Variants in FHL5 observed in about 807,000 individuals in gnomAD.
FHL5 encodes the protein four and a half LIM domains protein 5.
A neutral mutation model predicts 32.0 loss-of-function variants in FHL5; 33 were observed. That is an observed-to-expected ratio of 1.03 (90% CI 0.78 to 1.38). The LOEUF is 1.38. FHL5 is among the 40% of genes most tolerant of loss of function. The pLI is 0.00. For missense variants in FHL5, 336 were observed against 343.9 expected (o/e 0.98, Z 0.18); for synonymous variants, 114 against 113.6 (o/e 1.00, Z -0.02).
At chr6:96,601,971 G>C (rs755725804) in intron 1 of FHL5, among the ~76,000 whole-genome samples, 1 of 152,070 alleles carries the variant, frequency 6.6e-6, no homozygotes, top group African/African-American at 2.4e-5. Flanking sequence ...GTTCCATTGC[G>C]AACTTTCTAG....
In FHL5 at chr6:96,616,462, G is replaced by T. The variant is rs1195411420; in HGVS notation, c.*690G>T. On this transcript the variant is annotated 3_prime_UTR_variant, in exon 6 of 6. Transcript: ENST00000450218. Reference sequence around the variant, plus strand: ...AGAGGATCATTTCTACCTAGGGATAGCCAAAGCATGGGTTTCAACACGTTT... The same window carrying T: ...AGAGGATCATTTCTACCTAGGGATATCCAAAGCATGGGTTTCAACACGTTT... 1 of 152,158 alleles carries T rather than the reference G, an allele frequency of 6.6e-6. No homozygotes were observed. Among genetic ancestry groups the T allele is most frequent in the Non-Finnish European group, 1.5e-5 (1 of 68,040 alleles). The allele number at this position is 152,158 out of a possible 1,614,324, so 9.4% of individuals were successfully genotyped here. A position where few individuals can be genotyped will look rare whatever the true frequency, so the allele number is the denominator to read the frequency against.
At chr6:96,608,202 A>C (rs952897980) in intron 4 of FHL5, among the ~76,000 whole-genome samples, 1 of 152,090 alleles carries the variant, frequency 6.6e-6, no homozygotes, top group African/African-American at 2.4e-5. Context: ...TGCTATAACA[A>C]TTCAAGAGTG....
chr6:96,594,180 A>G (rs191209086), intron 1 of FHL5, among the ~76,000 whole-genome samples: 11 of 146,020 alleles, frequency 7.5e-5, no homozygotes, highest in Non-Finnish European at 1.5e-4. Flanking sequence ...AAATGATTTC[A>G]GCAGAAAAAT....
chr6:96,592,960 G>T (rs957609962), intron 1 of FHL5, among the ~76,000 whole-genome samples: 6 of 152,020 alleles, frequency 3.9e-5, no homozygotes, highest in African/African-American at 1.4e-4. Context: ...ATGGGCCATT[G>T]TTTCTTCAAA....
intron 4 of FHL5, among the ~76,000 whole-genome samples, chr6:96,610,307 C>A (rs540354283): frequency 6.6e-6 from 1 of 152,210 alleles, no homozygotes; most frequent in African/African-American, 2.4e-5. Flanking sequence ...ATTTCCATTT[C>A]TTTCTACTTC....
At chr6:96,568,077 C>A (rs1770398918) in intron 1 of FHL5, among the ~76,000 whole-genome samples, 4 of 151,592 alleles carry the variant, frequency 2.6e-5, no homozygotes, top group Non-Finnish European at 5.9e-5. Context: ...AAGCTTTAAA[C>A]TTTTCTCCAT....
intron 1 of FHL5, among the ~76,000 whole-genome samples, chr6:96,569,064 T>A (rs140837076): frequency 2.6e-4 from 40 of 152,084 alleles, no homozygotes; most frequent in African/African-American, 9.6e-4. Context: ...TCTACTTTTT[T>A]GATATAGGTG....
At position 96,599,191 on chromosome 6, in the gene FHL5, C is replaced by CTT. The variant is rs67400814; in HGVS notation, c.-12-4391_-12-4390dup. 1.5e-3 allele frequency among the ~76,000 whole-genome samples: 165 copies of CTT among 111,534 alleles called. 1 individual carries two copies. Among genetic ancestry groups the CTT allele is most frequent in the Admixed American group, 6.5e-3 (70 of 10,722 alleles). The allele number at this position is 111,534 out of a possible 152,430, so 73.2% of individuals were successfully genotyped here. ...GAAACTATTACCAGTGAACTTACAT[C>CTT]TTTTTTTTTTTTTTTTTTTTTGAGA... On this transcript the variant is annotated intron_variant, in intron 1 of 5. Coordinates refer to ENST00000450218, the MANE Select transcript of FHL5 (RefSeq NM_001322466.2).
chr6:96,602,351 C>T (rs1771165338), intron 1 of FHL5, among the ~76,000 whole-genome samples: 1 of 142,940 alleles, frequency 7.0e-6, no homozygotes, highest in African/African-American at 2.6e-5. Flanking sequence ...AAAAGCAGTG[C>T]TAATTTTTTT....
intron 1 of FHL5, among the ~76,000 whole-genome samples, chr6:96,581,622 G>C (rs146401426): frequency 6.6e-6 from 1 of 152,078 alleles, no homozygotes; most frequent in African/African-American, 2.4e-5. Context: ...CATGCAACAG[G>C]AAGAACTTCC....
At chr6:96,580,579 C>A (rs1361191932) in intron 1 of FHL5, among the ~76,000 whole-genome samples, 1 of 152,002 alleles carries the variant, frequency 6.6e-6, no homozygotes, top group Non-Finnish European at 1.5e-5. Context: ...TTTAAAAAGA[C>A]CCAGAAATGA....
At chr6:96,589,221 C>T (rs990736805) in intron 1 of FHL5, among the ~76,000 whole-genome samples, 1 of 152,116 alleles carries the variant, frequency 6.6e-6, no homozygotes, top group Admixed American at 6.6e-5. Flanking sequence ...TTCAATACTA[C>T]ACTGCCTTAA....
At chr6:96,570,198 C>A (rs1582456234) in intron 1 of FHL5, among the ~76,000 whole-genome samples, 1 of 151,986 alleles carries the variant, frequency 6.6e-6, no homozygotes, top group African/African-American at 2.4e-5. Flanking sequence ...TTGCTTACCT[C>A]GAGAAGGCTT....
intron 1 of FHL5, among the ~76,000 whole-genome samples, chr6:96,583,634 T>G (rs990583281): frequency 8.5e-5 from 13 of 152,140 alleles, no homozygotes; most frequent in African/African-American, 3.1e-4. Context: ...AAAAGCCCTT[T>G]AATCTTGTCA....
chr6:96,566,090 A>G (rs889570671), intron 1 of FHL5, among the ~76,000 whole-genome samples: 2 of 152,028 alleles, frequency 1.3e-5, no homozygotes, highest in Non-Finnish European at 1.5e-5. Context: ...AGAACACTCA[A>G]ACTTATTCCT....
At position 96,565,111 on chromosome 6, in the gene FHL5, T is replaced by C. The variant is rs532324681; in HGVS notation, c.-13+1756T>C. 7.2e-5 allele frequency among the ~76,000 whole-genome samples: 11 copies of C among 152,172 alleles called. No individual in the cohort carries two copies. The East Asian group carries it at 2.1e-3, about 29-fold the overall frequency. ...TTAAAATAAAAATAAATAATCAGCT[T>C]ATTGATGACATACCCTAGTATTTTA... On this transcript the variant is annotated intron_variant, in intron 1 of 5. Transcript: ENST00000450218.
chr6:96,579,218 A>T (rs1467436615), intron 1 of FHL5, among the ~76,000 whole-genome samples: 1 of 152,126 alleles, frequency 6.6e-6, no homozygotes, highest in Non-Finnish European at 1.5e-5. Context: ...ACCTTCCTTA[A>T]TTGTCTCTTT....
chr6:96,562,947 T>G (rs1770278242), upstream of FHL5, among the ~76,000 whole-genome samples: 1 of 152,184 alleles, frequency 6.6e-6, no homozygotes, highest in Non-Finnish European at 1.5e-5. Context: ...TTTAGCCTAG[T>G]TAGTGGAAAT....
At chr6:96,585,639 C>A (rs1417702544) in intron 1 of FHL5, among the ~76,000 whole-genome samples, 1 of 152,082 alleles carries the variant, frequency 6.6e-6, no homozygotes, top group African/African-American at 2.4e-5. Context: ...TGTTACCTAT[C>A]TCCATGGGGA....
Sources: gnomAD v4.1 joint callset for allele counts (sites outside exome capture counted in the v4.1 genomes callset) on GRCh38, gnomAD v4.1.1 for gene constraint, MANE v1.5 for transcripts, NCBI Gene and HGNC (gene_info 2026-07-23, HGNC 2026-07-21) for gene names.